The following SPACA3 variants were observed in gnomAD, a reference collection of about 807,000 sequenced individuals.
The protein encoded by SPACA3 is sperm acrosome membrane-associated protein 3.
SPACA3 carries 21 observed loss-of-function variants against 24.5 expected under a neutral mutation model. The ratio of observed to expected loss-of-function variants is 0.86; its 90% CI spans 0.61 to 1.24. SPACA3 has a LOEUF of 1.24. Among genes scored for constraint, SPACA3 ranks in the 50% most tolerant of loss-of-function variants. SPACA3 has a pLI of 0.00. For missense variants in SPACA3, 278 were observed against 275.5 expected, an observed-to-expected ratio of 1.01 and a Z score of -0.06; for synonymous variants, 115 against 106.9, an observed-to-expected ratio of 1.08 and a Z score of -0.47.
At position 32,995,478 on chromosome 17, in the gene SPACA3, C is replaced by G. The variant is rs1158501427; in HGVS notation, c.104C>G (p.Ser35Cys). ...GPRRLVSCLS[S>C]QSSALSQSGG... ...CGGAGGCTGGTGAGCTGCCTGTCAT[C>G]CCAAAGCTCAGCTCTGAGCCAGAGT... The change falls in exon 2 of 5, where the codon TCC (serine) becomes TGC (cysteine). Residue 35 changes from serine to cysteine, a missense_variant. Transcript: ENST00000269053. The G allele has an allele frequency of 6.2e-7, 1 of 1,613,994 alleles. No individual in the cohort carries two copies.
At chr17:32,992,043 G>A (rs945112945) in intron 1 of SPACA3, 71 bp downstream of exon 1, 3 of 1,562,708 alleles carry the variant, frequency 1.9e-6, no homozygotes, top group African/African-American at 1.4e-5. Flanking sequence ...GAGACCAGGT[G>A]GAGAAAAACA....
chr17:32,995,648 CGTT>C lies in SPACA3; in HGVS notation c.277_279del (p.Cys93del). 1 of 1,614,196 alleles carries C rather than the reference CGTT, an allele frequency of 6.2e-7. No individual in the cohort carries two copies. The highest frequency in any genetic ancestry group is 1.1e-5 in the South Asian group (1 of 91,068). Reference sequence around the variant, plus strand: ...CTCCAGTGAGGCCAAGCTCTACGGTCGTTGTGAACTGGCCAGAGTGCTACATGA... The same window carrying C: ...CTCCAGTGAGGCCAAGCTCTACGGTCGTGAACTGGCCAGAGTGCTACATGA... On this transcript the variant is annotated inframe_deletion, in exon 2 of 5. Coordinates refer to ENST00000269053, the MANE Select transcript of SPACA3 (RefSeq NM_173847.5).
rs375571299 is a variant in SPACA3 at position 32,996,980 on chromosome 17, G to A, written c.481G>A (p.Val161Met). ...CSNLTPNVPN[V>M]CRMYCSDLLN... is the part of the protein sequence containing the mutation. The stretch of plus-strand genomic sequence containing the variant: ...CAACCTCACCCCGAACGTCCCCAAC[G>A]TGTGCCGGATGTACTGCTCAGGTAG... The change falls in exon 3 of 5, where the codon GTG becomes ATG. Residue 161 changes from valine to methionine, a missense_variant. Val to Met is a conservative substitution (Grantham distance 21). Transcript: ENST00000269053. 1.0e-5 allele frequency: 16 copies of A among 1,574,150 alleles called. No individual in the cohort carries two copies. Among genetic ancestry groups the A allele is most frequent in the Non-Finnish European group, 1.3e-5 (15 of 1,160,362 alleles).
At chr17:32,993,014 C>A (rs1342444259) in intron 1 of SPACA3, 2 of 459,304 alleles carry the variant, frequency 4.4e-6, no homozygotes. Flanking sequence ...AGGTGTGAAC[C>A]TAGGAAAGGA....
intron 3 of SPACA3, 21 bp from the exon 4 acceptor site, chr17:32,997,424 T>C: frequency 6.2e-7 from 1 of 1,609,952 alleles, no homozygotes; most frequent in Non-Finnish European, 8.5e-7. Context: ...TCTCATTGTG[T>C]TTCTCTGCCT....
At chr17:32,996,753 T>G (rs1598224506) in intron 2 of SPACA3, 90 bp from the exon 3 acceptor site, 35 of 1,325,232 alleles carry the variant, frequency 2.6e-5, no homozygotes, top group South Asian at 7.1e-5. Context: ...AGAGGCTCGG[T>G]GGAGCCAGCG....
At chr17:32,993,030 C>A (rs3809788) in intron 1 of SPACA3, 3 of 452,516 alleles carry the variant, frequency 6.6e-6, no homozygotes, top group East Asian at 1.4e-4. Context: ...AAGGACGGTG[C>A]TCTCGGAGGG....
chr17:32,992,304 G>A (rs751057961), intron 1 of SPACA3, among the ~76,000 whole-genome samples: 1 of 152,194 alleles, frequency 6.6e-6, no homozygotes, highest in African/African-American at 2.4e-5. Context: ...AGGATTGGAT[G>A]AGATTAAGTT....
chr17:32,995,077 A>C (rs573987860), intron 1 of SPACA3, among the ~76,000 whole-genome samples: 2 of 152,304 alleles, frequency 1.3e-5, no homozygotes, highest in South Asian at 2.1e-4. Flanking sequence ...TTGGGCTGAG[A>C]GACCCATGAA....
chr17:32,996,542 T>C (rs1005985581), intron 2 of SPACA3, among the ~76,000 whole-genome samples: 1 of 151,660 alleles, frequency 6.6e-6, no homozygotes, highest in Non-Finnish European at 1.5e-5. Flanking sequence ...AACAAATTTA[T>C]TGGGCCCTAC....
At chr17:32,995,303 C>G in intron 1 of SPACA3, 106 bp from the exon 2 acceptor site, 1 of 1,065,676 alleles carries the variant, frequency 9.4e-7, no homozygotes, top group Non-Finnish European at 1.4e-6. Context: ...AGGAGAGGGG[C>G]TGGTCTCGGG....
At chr17:32,994,293 C>G (rs1240600865) in intron 1 of SPACA3, among the ~76,000 whole-genome samples, 1 of 152,168 alleles carries the variant, frequency 6.6e-6, no homozygotes, top group Non-Finnish European at 1.5e-5. Flanking sequence ...CTCATTTATT[C>G]TTCCAACAAT....
chr17:32,993,271 T>C (rs540914362), intron 1 of SPACA3, among the ~76,000 whole-genome samples: 3 of 152,316 alleles, frequency 2.0e-5, no homozygotes, highest in East Asian at 1.9e-4. Context: ...AGTGGAAGTG[T>C]CCTGCCAGTA....
chr17:32,995,767 C>T (rs760803624), intron 2 of SPACA3, 50 bp downstream of exon 2: 142 of 1,563,536 alleles, frequency 9.1e-5, no homozygotes, highest in Non-Finnish European at 1.2e-4. Context: ...ACCTCCCTCC[C>T]TCTTTCCCTC....
chr17:32,992,436 C>T (rs560923897), intron 1 of SPACA3, among the ~76,000 whole-genome samples: 13 of 152,298 alleles, frequency 8.5e-5, no homozygotes, highest in South Asian at 2.1e-4. Flanking sequence ...CCTGTGGCCA[C>T]GCCTTTTGTG....
intron 1 of SPACA3, among the ~76,000 whole-genome samples, chr17:32,992,478 C>G (rs1328732588): frequency 1.3e-5 from 2 of 152,184 alleles, no homozygotes; most frequent in Admixed American, 1.3e-4. Flanking sequence ...CACAGAGCAG[C>G]TACTCCATGC....
In SPACA3 at chr17:32,997,462, C is replaced by A; in HGVS notation, c.520C>A (p.Leu174Ile). Residue 174 changes from leucine (L) to isoleucine (I), a missense_variant, in exon 4 of 5, where the codon CTC becomes ATC. By Grantham distance (5) the Leu-to-Ile change is conservative. Coordinates refer to ENST00000269053, the MANE Select transcript of SPACA3 (RefSeq NM_173847.5). ...MYCSDLLNPN[L>I]KDTVICAMKI... ...CACCCCAGATTTGTTGAATCCTAATCTCAAGGATACCGTTATCTGTGCCAT... is the reference window on the plus strand; with the variant it reads ...CACCCCAGATTTGTTGAATCCTAATATCAAGGATACCGTTATCTGTGCCAT... 6.2e-7 allele frequency: 1 copy of A among 1,614,092 alleles called. No homozygotes were observed. The highest frequency in any genetic ancestry group is 8.5e-7 in the Non-Finnish European group (1 of 1,180,012).
In SPACA3 at chr17:32,995,458, G is replaced by A; in HGVS notation, c.84G>A (p.Arg28=). Residue 28 remains arginine (R), a synonymous_variant, in exon 2 of 5, where the codon AGG becomes AGA. Transcript: ENST00000269053. ...CTCCTTCTGTGAGTGGACCACGGAG[G>A]CTGGTGAGCTGCCTGTCATCCCAAA... ...VSSPSVSGPR[R]LVSCLSSQSS... is the part of the protein sequence containing the mutation. The A allele has an allele frequency of 6.2e-7, 1 of 1,613,190 alleles. No homozygotes were observed. The highest frequency in any genetic ancestry group is 8.5e-7 in the Non-Finnish European group (1 of 1,179,262).
chr17:32,995,525 G>T lies in SPACA3; in HGVS notation c.151G>T (p.Ala51Ser). 1 of 1,614,174 alleles carries T rather than the reference G, an allele frequency of 6.2e-7. No homozygotes were observed. Among genetic ancestry groups the T allele is most frequent in the Non-Finnish European group, 8.5e-7 (1 of 1,180,032 alleles). ...GAGTGGTGGTGGCTCCACCTCTGCC[G>T]CCGGCATAGAAGCCAGGAGCAGGGC... ...SQSGGGSTSA[A>S]GIEARSRALR... is the part of the protein sequence containing the mutation. The change falls in exon 2 of 5, where the codon GCC becomes TCC. Residue 51 changes from alanine to serine, a missense_variant. Ala to Ser is a moderately conservative substitution (Grantham distance 99, BLOSUM62 1). Coordinates refer to ENST00000269053, the MANE Select transcript of SPACA3 (RefSeq NM_173847.5).
Sources: gnomAD v4.1 joint callset for allele counts (sites outside exome capture counted in the v4.1 genomes callset) on GRCh38, gnomAD v4.1.1 for gene constraint, MANE v1.5 for transcripts, NCBI Gene and HGNC (gene_info 2026-07-23, HGNC 2026-07-21) for gene names.